The following TNRC18 variants were observed in gnomAD, a reference collection of about 807,000 sequenced individuals.
The protein encoded by TNRC18 is trinucleotide repeat-containing gene 18 protein.
TNRC18 carries 69 observed loss-of-function variants against 226.7 expected under a neutral mutation model. That is an observed-to-expected ratio of 0.30 (90% CI 0.25 to 0.37). The LOEUF is 0.37. TNRC18 is among the 10% of genes least tolerant of loss of function. TNRC18 has a pLI of 1.00. For synonymous variants in TNRC18, 2,449 were observed against 1,927.6 expected (o/e 1.27, Z -7.09); for missense variants, 4,754 against 4,256.6 (o/e 1.12, Z -3.25).
intron 29 of TNRC18, among the ~76,000 whole-genome samples, 180 bp downstream of exon 29, chr7:5,308,695 G>A (rs1198741431): frequency 5.3e-5 from 8 of 152,264 alleles, no homozygotes; most frequent in East Asian, 1.9e-4. Context: ...AGAGACAGAC[G>A]CACAGACCAG....
Position 5,325,418 on chromosome 7 carries a change from G to GT in TNRC18, c.6148-171dup, listed in dbSNP as rs138438851. 0.11 allele frequency: 67,124 copies of GT among 587,162 alleles called. 2,948 individuals carry two copies. Among genetic ancestry groups the GT allele is most frequent in the Admixed American group, 0.23 (5,901 of 25,784 alleles). The allele number at this position is 587,162 out of a possible 1,614,324, so 36.4% of individuals were successfully genotyped here. ...TTCCTGCAAGCGTTTTTGGTTTTGG[G>GT]TTTTTTTTTGTTTTTTTTTTTTTGA... is the stretch of plus-strand genomic sequence containing the variant. On this transcript the variant is annotated intron_variant, in intron 19 of 29. Coordinates refer to ENST00000430969, the MANE Select transcript of TNRC18 (RefSeq NM_001080495.3).
rs1276644308 is a variant in TNRC18, at chr7:5,388,594, C to T, written c.1230G>A (p.Leu410=). The T allele has an allele frequency of 2.3e-6, 3 of 1,298,922 alleles. No homozygotes were observed. In the East Asian group the frequency reaches 1.1e-4, roughly 47 times the overall value. 80.5% of individuals were successfully genotyped at this position (1,298,922 alleles called of 1,614,324 possible). ...REREAGRPGV[L]QAPPGSPRPL... ...GCCGCGGGGAGCCGGGGGGCGCCTGCAGGACCCCTGGCCTGCCAGCCTCGC... is the reference window on the plus strand; with the variant it reads ...GCCGCGGGGAGCCGGGGGGCGCCTGTAGGACCCCTGGCCTGCCAGCCTCGC... The change falls in exon 5 of 30, where the codon CTG becomes CTA. Residue 410 remains leucine, a synonymous_variant. Transcript: ENST00000430969.
At chr7:5,408,883 G>C (rs1343928499) in intron 2 of TNRC18, among the ~76,000 whole-genome samples, 1 of 152,190 alleles carries the variant, frequency 6.6e-6, no homozygotes, top group South Asian at 2.1e-4. Context: ...CTGTTTACTA[G>C]GGAAAGATGG....
intron 2 of TNRC18, among the ~76,000 whole-genome samples, chr7:5,408,543 C>T (rs1781633556): frequency 6.6e-6 from 1 of 151,584 alleles, no homozygotes; most frequent in Non-Finnish European, 1.5e-5. Context: ...GAGGCTGAGG[C>T]AGGAGAATCG....
At chr7:5,345,517 G>GGGGGGGGGCCCACCCCCCCCCCCCCACCC in intron 18 of TNRC18, 45 bp downstream of exon 18, 1 of 377,744 alleles carries the variant, frequency 2.6e-6, no homozygotes. Context: ...AATGGCGTCC[G>GGGGGGGGGCCCACCCCCCCCCCCCCACCC]CCCCTCCCAC....
At position 5,370,942 on chromosome 7, in the gene TNRC18, C is replaced by A; in HGVS notation, c.3652G>T (p.Glu1218Ter). 1 of 1,605,350 alleles carries A rather than the reference C, an allele frequency of 6.2e-7. No homozygotes were observed. ...ATGQSCAEPS[E>*]CPDFVEGPEP... is the part of the protein sequence containing the mutation. ...GGCCCCTCCACAAAGTCTGGACACT[C>A]AGAGGGCTCTGCGCAGCTCTGCCCG... Residue 1218 changes from glutamate to a stop codon, truncating the protein, a stop_gained, in exon 11 of 30, where the codon GAG becomes TAG. Transcript: ENST00000430969. LOFTEE classifies it high-confidence loss of function.
intron 2 of TNRC18, among the ~76,000 whole-genome samples, chr7:5,396,093 G>A (rs1209476291): frequency 7.2e-6 from 1 of 137,976 alleles, no homozygotes; most frequent in African/African-American, 2.8e-5. Context: ...ATCACTTGAA[G>A]CCCGGAGGCG....
intron 5 of TNRC18, among the ~76,000 whole-genome samples, chr7:5,386,476 C>T (rs769973593): frequency 3.4e-5 from 5 of 148,008 alleles, no homozygotes; most frequent in African/African-American, 1.3e-4. Flanking sequence ...ACTGGGGAGA[C>T]TGAGGCACAA....
At chr7:5,350,017 G>A (rs1370076375) in intron 17 of TNRC18, among the ~76,000 whole-genome samples, 2 of 152,144 alleles carry the variant, frequency 1.3e-5, no homozygotes, top group Non-Finnish European at 2.9e-5. Flanking sequence ...GGCCTAGGGC[G>A]CTGCCTGCTT....
intron 19 of TNRC18, among the ~76,000 whole-genome samples, chr7:5,332,146 G>A (rs1397591456): frequency 6.6e-6 from 1 of 152,166 alleles, no homozygotes; most frequent in Non-Finnish European, 1.5e-5. Flanking sequence ...ACCTCTGTAA[G>A]ATACGGGTGG....
chr7:5,384,940 G>A (rs1158994857), intron 5 of TNRC18, among the ~76,000 whole-genome samples: 3 of 152,262 alleles, frequency 2.0e-5, no homozygotes, highest in Admixed American at 6.5e-5. Context: ...GCTGGATGAA[G>A]AGAATTCCAA....
chr7:5,360,300 G>C (rs143508274), intron 14 of TNRC18, among the ~76,000 whole-genome samples: 14,982 of 151,932 alleles, frequency 0.099, 884 homozygotes, highest in South Asian at 0.14. Context: ...CTCGATTTCA[G>C]CTCACTGCAA....
At chr7:5,417,325 C>G (rs1365178049) in intron 2 of TNRC18, among the ~76,000 whole-genome samples, 2 of 152,076 alleles carry the variant, frequency 1.3e-5, no homozygotes, top group Non-Finnish European at 2.9e-5. Flanking sequence ...AAAAACTTAG[C>G]AGGGCATGGT....
At chr7:5,340,209 A>T (rs1003914225) in intron 18 of TNRC18, among the ~76,000 whole-genome samples, 2 of 152,220 alleles carry the variant, frequency 1.3e-5, no homozygotes, top group African/African-American at 4.8e-5. Context: ...GGAAATCTAA[A>T]GTGCTCTGGT....
At chr7:5,351,414 C>T (rs967756150) in intron 17 of TNRC18, among the ~76,000 whole-genome samples, 6 of 150,660 alleles carry the variant, frequency 4.0e-5, no homozygotes, top group African/African-American at 1.2e-4. Flanking sequence ...AAGCCTCCAC[C>T]GAACCCGTGC....
chr7:5,376,236 G>C lies in TNRC18; in HGVS notation c.2609-12C>G. ...CTCCATCAGCTCCGCTGCAGGGACA[G>C]AGACAGTGCGCTGCACCTGCGGCCT... On this transcript the variant is annotated splice_polypyrimidine_tract_variant and intron_variant, in intron 8 of 29. Transcript: ENST00000430969. 1 of 1,477,964 alleles carries C rather than the reference G, an allele frequency of 6.8e-7. No individual in the cohort carries two copies. The highest frequency in any genetic ancestry group is 8.9e-7 in the Non-Finnish European group (1 of 1,119,584). 91.6% of individuals were successfully genotyped at this position (1,477,964 alleles called of 1,614,324 possible). A position where few individuals can be genotyped will look rare whatever the true frequency, so the allele number is the denominator to read the frequency against.
chr7:5,363,428 C>T (rs1208855476), intron 11 of TNRC18, among the ~76,000 whole-genome samples: 3 of 152,046 alleles, frequency 2.0e-5, no homozygotes, highest in Admixed American at 2.0e-4. Context: ...CGGTGAAATC[C>T]CATCTCTACT....
rs1780517359 is a variant in TNRC18, at chr7:5,394,439, C to T, written c.343+1G>A. 2 of 1,536,756 alleles carry T rather than the reference C, an allele frequency of 1.3e-6. No individual in the cohort carries two copies. Among genetic ancestry groups the T allele is most frequent in the East Asian group, 2.5e-5 (1 of 39,848 alleles). ...AGCCCCGACCCCGGCATGTTCCTTA[C>T]CTTCATGGGCGTGGGCGGCCCACAG... On this transcript the variant is annotated splice_donor_variant, in intron 3 of 29. Coordinates refer to ENST00000430969, the MANE Select transcript of TNRC18 (RefSeq NM_001080495.3). LOFTEE classifies it high-confidence loss of function. The surrounding 1 kb of genome is among the most constrained non-coding windows in gnomAD (Gnocchi z 4.5).
intron 5 of TNRC18, among the ~76,000 whole-genome samples, chr7:5,378,622 G>A (rs1239958978): frequency 6.6e-6 from 1 of 151,614 alleles, no homozygotes; most frequent in Non-Finnish European, 1.5e-5. Flanking sequence ...GCTTCACCGT[G>A]TTAGCCAGGA....
Sources: gnomAD v4.1 joint callset for allele counts (sites outside exome capture counted in the v4.1 genomes callset) on GRCh38, gnomAD v4.1.1 for gene constraint, Gnocchi (gnomAD v3.1) non-coding constraint, MANE v1.5 for transcripts, NCBI Gene and HGNC (gene_info 2026-07-23, HGNC 2026-07-21) for gene names.